The following CACNA2D1 variants were observed in gnomAD, a reference collection of about 807,000 sequenced individuals.
CACNA2D1 encodes the protein voltage-dependent calcium channel subunit alpha-2/delta-1.
A neutral mutation model predicts 171.5 loss-of-function variants in CACNA2D1; 53 were observed. That is an observed-to-expected ratio of 0.31 (90% confidence interval 0.25 to 0.39). CACNA2D1 has a LOEUF of 0.39. CACNA2D1 is among the 10% of genes least tolerant of loss of function. The pLI is 1.00. For synonymous variants in CACNA2D1, 442 were observed against 443.1 expected (o/e 1.00, Z 0.03); for missense variants, 903 against 1,299.8 (o/e 0.69, Z 4.69).
intron 3 of CACNA2D1, among the ~76,000 whole-genome samples, chr7:82,282,822 T>C (rs1358709640): frequency 6.6e-6 from 1 of 152,136 alleles, no homozygotes; most frequent in Non-Finnish European, 1.5e-5. Flanking sequence ...TTCAAATTTA[T>C]TTTATGTGCG....
In CACNA2D1 at chr7:82,172,848, A is replaced by AAT. The variant is rs138735589; in HGVS notation, c.295-2240_295-2239insAT. Among the ~76,000 whole-genome samples the AAT allele has an allele frequency of 3.8e-4, 57 of 149,590 alleles. No individual in the cohort carries two copies. In the East Asian group the frequency reaches 5.6e-3, roughly 15 times the overall value. On this transcript the variant is annotated intron_variant, in intron 3 of 38. Transcript: ENST00000356860. ...TTTTACATGTATGGGCAAAAAAAAA[A>AAT]TTCTGGAACTTAAACAAAATTCTGA...
intron 18 of CACNA2D1, among the ~76,000 whole-genome samples, chr7:82,003,511 A>G (rs1798807920): frequency 6.6e-6 from 1 of 151,454 alleles, no homozygotes; most frequent in African/African-American, 2.4e-5. Flanking sequence ...AGAAGAATGT[A>G]GAAAAGGAAA....
chr7:82,220,635 T>G (rs1801640753), intron 3 of CACNA2D1, among the ~76,000 whole-genome samples: 1 of 152,134 alleles, frequency 6.6e-6, no homozygotes, highest in Non-Finnish European at 1.5e-5. Flanking sequence ...GAAAAATAAC[T>G]GGAGTTTTAA....
In CACNA2D1 at chr7:82,440,089, C is replaced by T. The variant is rs73390081; in HGVS notation, c.95+3276G>A. On this transcript the variant is annotated intron_variant, in intron 1 of 38. Transcript: ENST00000356860. ...AGTAATTAAAGCCAAAAGTACTATA[C>T]TTCTATGAGAATTTATGCTTATTTC... Among the ~76,000 whole-genome samples the T allele has an allele frequency of 2.6e-3, 396 of 151,884 alleles. 1 individual carries two copies. The highest frequency in any genetic ancestry group is 9.3e-3 in the African/African-American group (385 of 41,532).
intron 3 of CACNA2D1, among the ~76,000 whole-genome samples, chr7:82,266,553 G>C (rs1391651463): frequency 6.6e-6 from 1 of 151,982 alleles, no homozygotes; most frequent in East Asian, 1.9e-4. Context: ...TTTTGCTCTT[G>C]TCACTCAGGC....
chr7:82,012,314 G>GA (rs1799887274), intron 14 of CACNA2D1, 71 bp from the exon 15 acceptor site: 12 of 813,098 alleles, frequency 1.5e-5, no homozygotes, highest in South Asian at 1.1e-4. Flanking sequence ...AAATTACAGA[G>GA]AAAAAATATT....
intron 3 of CACNA2D1, among the ~76,000 whole-genome samples, chr7:82,218,750 G>A (rs1206341780): frequency 6.6e-6 from 1 of 152,062 alleles, no homozygotes; most frequent in African/African-American, 2.4e-5. Flanking sequence ...GTTTCTTAAA[G>A]CTTGTAAAGT....
chr7:82,077,457 C>G (rs527979314), intron 7 of CACNA2D1, among the ~76,000 whole-genome samples: 1 of 152,280 alleles, frequency 6.6e-6, no homozygotes, highest in East Asian at 1.9e-4. Flanking sequence ...AGAGCCCATG[C>G]TCAGAGAATG....
At chr7:82,052,924 C>T (rs1305665139) in intron 10 of CACNA2D1, among the ~76,000 whole-genome samples, 1 of 152,048 alleles carries the variant, frequency 6.6e-6, no homozygotes, top group African/African-American at 2.4e-5. Context: ...AAAGACTAAA[C>T]AAATTACTAT....
chr7:82,378,603 T>C (rs1487683041), intron 1 of CACNA2D1, among the ~76,000 whole-genome samples: 1 of 152,170 alleles, frequency 6.6e-6, no homozygotes, highest in Non-Finnish European at 1.5e-5. Context: ...TCTCTACATT[T>C]CTGATGCTTT....
At chr7:82,433,654 T>G (rs1324098652) in intron 1 of CACNA2D1, among the ~76,000 whole-genome samples, 1 of 152,200 alleles carries the variant, frequency 6.6e-6, no homozygotes, top group Non-Finnish European at 1.5e-5. Flanking sequence ...ATTGCTTTCA[T>G]CTCTCTGACA....
At chr7:82,082,780 A>G (rs1344866309) in intron 7 of CACNA2D1, among the ~76,000 whole-genome samples, 11 of 151,870 alleles carry the variant, frequency 7.2e-5, no homozygotes, top group Non-Finnish European at 1.6e-4. Context: ...ATATCTAAAT[A>G]TGTTTTCCAA....
chr7:82,337,986 T>C (rs1408979700), intron 2 of CACNA2D1, among the ~76,000 whole-genome samples: 2 of 152,184 alleles, frequency 1.3e-5, no homozygotes, highest in African/African-American at 4.8e-5. Flanking sequence ...ACAACCTAGA[T>C]TATGGTTTGT....
intron 3 of CACNA2D1, among the ~76,000 whole-genome samples, chr7:82,180,679 C>T (rs1458559287): frequency 3.9e-5 from 6 of 152,164 alleles, no homozygotes; most frequent in East Asian, 1.9e-4. Context: ...TCCTATGGGA[C>T]GGGTAAGATA....
At chr7:82,321,944 G>A (rs1451814203) in intron 3 of CACNA2D1, among the ~76,000 whole-genome samples, 1 of 150,790 alleles carries the variant, frequency 6.6e-6, no homozygotes, top group Admixed American at 6.6e-5. Context: ...GGCTAAAACG[G>A]TGAAACCCCG....
chr7:81,961,344 C>A (rs1350222990), intron 36 of CACNA2D1, among the ~76,000 whole-genome samples: 1 of 151,696 alleles, frequency 6.6e-6, no homozygotes, highest in Non-Finnish European at 1.5e-5. Flanking sequence ...TTAACCATGA[C>A]CTAAAAAAAC....
chr7:82,326,300 AG>A lies in CACNA2D1; in HGVS notation c.294+8834del, dbSNP rs796333098. Among the ~76,000 whole-genome samples the A allele has an allele frequency of 1.2e-4, 18 of 152,332 alleles. No individual in the cohort carries two copies. The East Asian group carries it at 3.3e-3, about 28-fold the overall frequency. On this transcript the variant is annotated intron_variant, in intron 3 of 38. Transcript: ENST00000356860. ...TCACATTTGCTTATATCAATTAGTC[AG>A]TGGGAAAATTGGTTTGTTATATGGC...
At position 82,054,131 on chromosome 7, in the gene CACNA2D1, G is replaced by C. The variant is rs144256292; in HGVS notation, c.879+6297C>G. On this transcript the variant is annotated intron_variant, in intron 10 of 38. Coordinates refer to ENST00000356860, the MANE Select transcript of CACNA2D1 (RefSeq NM_000722.4). ...TTAAGAATCCCAATGCCCATTCTAAGTTCTTTAGGAAATAAATGTTAGTTG... is the reference window on the plus strand; with the variant it reads ...TTAAGAATCCCAATGCCCATTCTAACTTCTTTAGGAAATAAATGTTAGTTG... Among the ~76,000 whole-genome samples, 33 of 152,242 alleles carry C rather than the reference G, an allele frequency of 2.2e-4. No homozygotes were observed. The East Asian group carries it at 6.4e-3, about 29-fold the overall frequency.
chr7:82,087,031 T>C (rs1353208247), intron 6 of CACNA2D1, among the ~76,000 whole-genome samples: 1 of 152,182 alleles, frequency 6.6e-6, no homozygotes, highest in Admixed American at 6.5e-5. Flanking sequence ...TCTCAAAATG[T>C]GTTCATCTAC....
Sources: gnomAD v4.1 joint callset for allele counts (sites outside exome capture counted in the v4.1 genomes callset) on GRCh38, gnomAD v4.1.1 for gene constraint, MANE v1.5 for transcripts, NCBI Gene and HGNC (gene_info 2026-07-23, HGNC 2026-07-21) for gene names.